GALNTL6: variants seen among roughly 807,000 people sequenced by gnomAD.
GALNTL6 encodes the protein polypeptide N-acetylgalactosaminyltransferase-like 6.
A neutral mutation model predicts 73.7 loss-of-function variants in GALNTL6; 46 were observed. That is an observed-to-expected ratio of 0.62 (90% CI 0.49 to 0.80). The LOEUF (loss-of-function observed/expected upper bound fraction) is 0.80, where lower values mean the gene tolerates loss of function less well. Ranked by LOEUF, GALNTL6 falls within the 30% of genes least tolerant of loss-of-function variation. The pLI, the probability that GALNTL6 is intolerant of heterozygous loss-of-function variation, is 0.00. For synonymous variants in GALNTL6, 259 were observed against 263.7 expected (o/e 0.98, Z 0.17); for missense variants, 604 against 755.0 (o/e 0.80, Z 2.34).
intron 8 of GALNTL6, among the ~76,000 whole-genome samples, chr4:172,911,628 G>A (rs1267731941): frequency 6.6e-6 from 1 of 152,134 alleles, no homozygotes; most frequent in Non-Finnish European, 1.5e-5. Flanking sequence ...ATATTAAAAT[G>A]ACTCTAAACT....
At chr4:172,163,236 C>G (rs922695199) in intron 2 of GALNTL6, among the ~76,000 whole-genome samples, 4 of 152,000 alleles carry the variant, frequency 2.6e-5, no homozygotes, top group Non-Finnish European at 5.9e-5. Flanking sequence ...AGACATTACT[C>G]TGTCCTCTCT....
chr4:171,847,062 C>T (rs750022355), intron 2 of GALNTL6, among the ~76,000 whole-genome samples: 5 of 151,212 alleles, frequency 3.3e-5, no homozygotes, highest in African/African-American at 4.8e-5. Flanking sequence ...ATTTCCCCTA[C>T]GAGCAATGGT....
At chr4:172,425,133 T>C (rs1731182156) in intron 5 of GALNTL6, among the ~76,000 whole-genome samples, 1 of 152,130 alleles carries the variant, frequency 6.6e-6, no homozygotes, top group Admixed American at 6.6e-5. Context: ...AGTACTACAG[T>C]ATAGCACATA....
At chr4:172,597,437 C>T (rs771062324) in intron 5 of GALNTL6, among the ~76,000 whole-genome samples, 25 of 152,054 alleles carry the variant, frequency 1.6e-4, no homozygotes, top group Admixed American at 7.2e-4. Context: ...TGGAGAAATA[C>T]GTTAGGAAAT....
At chr4:172,532,180 G>C (rs1735190782) in intron 5 of GALNTL6, among the ~76,000 whole-genome samples, 1 of 152,166 alleles carries the variant, frequency 6.6e-6, no homozygotes, top group South Asian at 2.1e-4. Context: ...GTAACCTTTG[G>C]AAATAGGATC....
At chr4:172,651,456 C>T (rs116363670) in intron 5 of GALNTL6, among the ~76,000 whole-genome samples, 1 of 152,182 alleles carries the variant, frequency 6.6e-6, no homozygotes, top group East Asian at 1.9e-4. Flanking sequence ...CTTTCAATCC[C>T]GAGTGCAGAC....
At chr4:172,013,495 CT>C (rs56404685) in intron 2 of GALNTL6, among the ~76,000 whole-genome samples, 111,595 of 151,800 alleles carry the variant, frequency 0.74, 41,626 homozygotes, top group Admixed American at 0.84. Context: ...GGATTTTATT[CT>C]TTTTTTAAGA....
At chr4:172,723,792 A>G (rs60567045) in intron 5 of GALNTL6, among the ~76,000 whole-genome samples, 2 of 151,666 alleles carry the variant, frequency 1.3e-5, no homozygotes, top group African/African-American at 4.8e-5. Context: ...CACTTTAGGT[A>G]TCAAAGAGTG....
chr4:172,640,477 G>A (rs1739922168), intron 5 of GALNTL6, among the ~76,000 whole-genome samples: 1 of 152,058 alleles, frequency 6.6e-6, no homozygotes, highest in Non-Finnish European at 1.5e-5. Context: ...TAGACTAGAT[G>A]TCTTTAAAAA....
chr4:172,548,664 G>C (rs1735856350), intron 5 of GALNTL6, among the ~76,000 whole-genome samples: 1 of 152,218 alleles, frequency 6.6e-6, no homozygotes, highest in East Asian at 1.9e-4. Flanking sequence ...CCTTTCCTAA[G>C]TTCACATTGC....
At position 172,125,131 on chromosome 4, in the gene GALNTL6, G is replaced by A. The variant is rs139109915; in HGVS notation, c.139-104525G>A. On this transcript the variant is annotated intron_variant, in intron 2 of 12. Transcript: ENST00000506823. ...AGGGGAGAAAGAGGAAGAACAAAAG[G>A]CAATGATGTATGACCTGCAAATCAC... 7.2e-5 allele frequency among the ~76,000 whole-genome samples: 11 copies of A among 152,218 alleles called. No homozygotes were observed. The East Asian group carries it at 1.9e-3, about 27-fold the overall frequency.
chr4:172,004,643 T>C lies in GALNTL6; in HGVS notation c.138+189925T>C, dbSNP rs189486284. The stretch of plus-strand genomic sequence containing the variant: ...AGAAACAGATGCATTCAGATTAATT[T>C]ATAAAATATGCTCTAATATATGTCT... On this transcript the variant is annotated intron_variant, in intron 2 of 12. Transcript: ENST00000506823. Among the ~76,000 whole-genome samples, 443 of 152,230 alleles carry C rather than the reference T, an allele frequency of 2.9e-3. 2 individuals are homozygous for C. The highest frequency in any genetic ancestry group is 4.3e-3 in the Non-Finnish European group (290 of 67,996).
intron 2 of GALNTL6, among the ~76,000 whole-genome samples, chr4:171,948,962 T>TACAC (rs3080339): frequency 4.0e-5 from 5 of 123,586 alleles, no homozygotes; most frequent in Admixed American, 2.7e-4. Flanking sequence ...CATATATATA[T>TACAC]ACACACACAC....
chr4:172,049,696 A>C (rs567109423), intron 2 of GALNTL6, among the ~76,000 whole-genome samples: 1 of 152,288 alleles, frequency 6.6e-6, no homozygotes, highest in South Asian at 2.1e-4. Context: ...TAAAAAATGC[A>C]GGCTCAGCCT....
intron 5 of GALNTL6, among the ~76,000 whole-genome samples, chr4:172,402,757 G>C (rs1744086152): frequency 6.6e-6 from 1 of 151,976 alleles, no homozygotes; most frequent in Non-Finnish European, 1.5e-5. Context: ...CACTAAAACT[G>C]AGCTGTTTGA....
chr4:172,087,270 C>T (rs1417551558), intron 2 of GALNTL6, among the ~76,000 whole-genome samples: 1 of 151,892 alleles, frequency 6.6e-6, no homozygotes, highest in African/African-American at 2.4e-5. Flanking sequence ...GGTGAAACCC[C>T]GTCTCTACTA....
rs564845976 is a variant in GALNTL6, at chr4:172,688,793, A to C, written c.554-120568A>C. ...TGTGGTGAACTTTCCCCTTATGGAG[A>C]GTACCCATGATTCTAGTGAGAATCC... is the stretch of plus-strand genomic sequence containing the variant. On this transcript the variant is annotated intron_variant, in intron 5 of 12. Coordinates refer to ENST00000506823, the MANE Select transcript of GALNTL6 (RefSeq NM_001034845.3). 2.3e-4 allele frequency among the ~76,000 whole-genome samples: 35 copies of C among 152,250 alleles called. 1 individual carries two copies. The South Asian group carries it at 5.8e-3, about 25-fold the overall frequency.
chr4:172,295,625 C>G (rs1462981463), intron 3 of GALNTL6, among the ~76,000 whole-genome samples: 1 of 98,770 alleles, frequency 1.0e-5, no homozygotes, highest in African/African-American at 4.1e-5. Context: ...CAGCTATGTT[C>G]TTATTCATTA....
At chr4:172,578,037 C>G (rs1737026368) in intron 5 of GALNTL6, among the ~76,000 whole-genome samples, 1 of 152,166 alleles carries the variant, frequency 6.6e-6, no homozygotes, top group Admixed American at 6.5e-5. Flanking sequence ...CCAAAGTACC[C>G]TCACATGTAA....
Sources: allele counts gnomAD v4.1 joint callset (sites outside exome capture counted in the v4.1 genomes callset), GRCh38; gene constraint gnomAD v4.1.1; transcripts MANE v1.5; gene names NCBI Gene and HGNC (gene_info 2026-07-23, HGNC 2026-07-21).